APOO: variants seen among roughly 807,000 people sequenced by gnomAD.
The protein encoded by APOO is apolipoprotein O.
Under a neutral mutation model 23.1 loss-of-function variants are expected in APOO, and 11 were observed. The ratio of observed to expected loss-of-function variants is 0.48; its 90% CI spans 0.30 to 0.79. The LOEUF is 0.79. APOO is among the 30% of genes least tolerant of loss of function. APOO has a pLI of 0.07. For synonymous variants in APOO, 59 were observed against 54.8 expected (o/e 1.08, Z -0.34); for missense variants, 160 against 142.7 (o/e 1.12, Z -0.62).
chrX:23,892,535 C>A (rs1268922465), intron 1 of APOO, among the ~76,000 whole-genome samples: 1 of 110,249 alleles, frequency 9.1e-6, no homozygotes, highest in African/African-American at 3.3e-5. Flanking sequence ...TGGAATTGGC[C>A]AAGGTGGGCA....
chrX:23,904,339 G>A (rs772659761), intron 1 of APOO, among the ~76,000 whole-genome samples: 1 of 110,330 alleles, frequency 9.1e-6, no homozygotes, highest in Non-Finnish European at 1.9e-5. Flanking sequence ...ACCTAAGTTG[G>A]TCCAATCAGA....
intron 1 of APOO, among the ~76,000 whole-genome samples, chrX:23,891,625 G>A (rs1270215358): frequency 9.0e-6 from 1 of 111,648 alleles, no homozygotes; most frequent in African/African-American, 3.3e-5. Flanking sequence ...TGTGTTTCCT[G>A]TGTTTCTAAC....
chrX:23,861,413 C>T (rs1028085471), intron 5 of APOO, among the ~76,000 whole-genome samples: 1 of 109,763 alleles, frequency 9.1e-6, no homozygotes, highest in East Asian at 2.9e-4. Flanking sequence ...TCACCAGAAG[C>T]CGAGGAGATG....
At chrX:23,887,746 G>T (rs1450700495) in intron 1 of APOO, among the ~76,000 whole-genome samples, 1 of 111,877 alleles carries the variant, frequency 8.9e-6, no homozygotes, top group Non-Finnish European at 1.9e-5. Flanking sequence ...AGTTAGGCTT[G>T]CTCAATCAAA....
chrX:23,904,173 T>C (rs1927252009), intron 1 of APOO, among the ~76,000 whole-genome samples: 1 of 111,788 alleles, frequency 8.9e-6, no homozygotes, highest in Non-Finnish European at 1.9e-5. Context: ...ATCCAGTCTC[T>C]ATTCTCCCTC....
In APOO at chrX:23,874,452, C is replaced by G; in HGVS notation, c.243G>C (p.Thr81=). 3.3e-6 allele frequency: 4 copies of G among 1,207,422 alleles called. No individual in the cohort carries two copies. Among genetic ancestry groups the G allele is most frequent in the Non-Finnish European group, 3.4e-6 (3 of 891,986 alleles). The part of the protein sequence containing the change: ...CEPYTTWCQE[T]YSQTKPKMQS... ...GCATCTTGGGCTTAGTTTGGGAGTACGTTTCCTAAAAAGGTAAAAAGAAAC... is the reference window on the plus strand; with the variant it reads ...GCATCTTGGGCTTAGTTTGGGAGTAGGTTTCCTAAAAAGGTAAAAAGAAAC... Residue 81 remains threonine, a synonymous_variant, in exon 4 of 9, where the codon ACG becomes ACC. Transcript: ENST00000379226.
chrX:23,854,267 G>C (rs753681946), intron 7 of APOO, among the ~76,000 whole-genome samples: 1 of 112,022 alleles, frequency 8.9e-6, no homozygotes, highest in South Asian at 3.6e-4. Context: ...TTCCAAGCCA[G>C]AGGCTCCCGC....
intron 1 of APOO, 97 bp downstream of exon 1, chrX:23,907,597 C>T: frequency 1.1e-6 from 1 of 951,568 alleles, no homozygotes; most frequent in South Asian, 2.8e-5. Context: ...TCGGGGTGAG[C>T]CAGGCCTGGC....
intron 1 of APOO, among the ~76,000 whole-genome samples, chrX:23,902,725 A>G (rs1398610462): frequency 8.9e-6 from 1 of 112,003 alleles, no homozygotes. Context: ...TAATATGCAC[A>G]TAACTAGTCA....
intron 4 of APOO, among the ~76,000 whole-genome samples, chrX:23,873,959 A>G (rs1925731704): frequency 8.9e-6 from 1 of 111,832 alleles, no homozygotes; most frequent in South Asian, 3.7e-4. Flanking sequence ...AAATGAAAAA[A>G]AAGTAAGAAC....
chrX:23,904,715 C>T (rs191181199), intron 1 of APOO, among the ~76,000 whole-genome samples: 65 of 110,022 alleles, frequency 5.9e-4, no homozygotes, highest in Non-Finnish European at 1.0e-3. Context: ...ACCATGTTAG[C>T]CAGGATGGTC....
chrX:23,886,104 C>G (rs771913469), intron 1 of APOO, among the ~76,000 whole-genome samples: 4 of 111,493 alleles, frequency 3.6e-5, no homozygotes, highest in Non-Finnish European at 7.5e-5. Context: ...GCACCTCCTC[C>G]CAGTCACGAC....
intron 1 of APOO, among the ~76,000 whole-genome samples, chrX:23,903,867 C>G (rs1295395733): frequency 1.8e-5 from 2 of 111,380 alleles, no homozygotes; most frequent in Non-Finnish European, 3.8e-5. Flanking sequence ...GGGAATATCT[C>G]TCCCTTGCAC....
chrX:23,889,388 A>G (rs937138440), intron 1 of APOO, among the ~76,000 whole-genome samples: 12 of 111,210 alleles, frequency 1.1e-4, no homozygotes, highest in Non-Finnish European at 1.3e-4. Context: ...AAGACAAATA[A>G]AAACCTTAAG....
At chrX:23,890,564 C>T (rs759181040) in intron 1 of APOO, among the ~76,000 whole-genome samples, 6 of 112,402 alleles carry the variant, frequency 5.3e-5, no homozygotes, top group Admixed American at 2.8e-4. Flanking sequence ...AGAAGCGATA[C>T]GCATTCTGTA....
At chrX:23,899,438 A>G (rs1927037573) in intron 1 of APOO, among the ~76,000 whole-genome samples, 1 of 112,453 alleles carries the variant, frequency 8.9e-6, no homozygotes, top group East Asian at 2.8e-4. Flanking sequence ...ATTTTCTAAC[A>G]AAACTGGCAT....
intron 8 of APOO, among the ~76,000 whole-genome samples, chrX:23,837,613 TATAA>T (rs1923757504): frequency 2.4e-5 from 1 of 42,432 alleles, no homozygotes. Flanking sequence ...ATTATAAATG[TATAA>T]ATAAATTTAT....
At chrX:23,857,674 C>T (rs1048043985) in intron 6 of APOO, among the ~76,000 whole-genome samples, 1 of 111,494 alleles carries the variant, frequency 9.0e-6, no homozygotes, top group African/African-American at 3.3e-5. Context: ...GGTGACTGCA[C>T]TGCTGTCTGC....
chrX:23,874,650 C>A (rs1291603227), intron 3 of APOO, among the ~76,000 whole-genome samples, 193 bp from the exon 4 acceptor site: 1 of 111,719 alleles, frequency 9.0e-6, no homozygotes, highest in African/African-American at 3.3e-5. Context: ...CTGCAAATTA[C>A]TCAGCAGAAT....
Sources: allele counts gnomAD v4.1 joint callset (sites outside exome capture counted in the v4.1 genomes callset), GRCh38; gene constraint gnomAD v4.1.1; transcripts MANE v1.5; gene names NCBI Gene and HGNC (gene_info 2026-07-23, HGNC 2026-07-21).